The following CSMD1 variants were observed in gnomAD, a reference collection of about 807,000 sequenced individuals.
CSMD1 encodes the protein CUB and sushi domain-containing protein 1.
In CSMD1, 213 loss-of-function variants were observed where a neutral mutation model predicts 417.5. The observed-to-expected ratio is 0.51, with a 90% confidence interval of 0.46 to 0.57. The LOEUF is 0.57. Among genes scored for constraint, CSMD1 ranks in the 20% least tolerant of loss-of-function variants. The pLI is 0.00. For missense variants in CSMD1, 6,923 were observed against 4,529.7 expected, an observed-to-expected ratio of 1.53 and a Z score of -15.17; for synonymous variants, 2,862 against 1,736.8, an observed-to-expected ratio of 1.65 and a Z score of -16.11.
At chr8:4,917,074 T>C (rs1806113015) in intron 1 of CSMD1, among the ~76,000 whole-genome samples, 1 of 152,150 alleles carries the variant, frequency 6.6e-6, no homozygotes, top group Non-Finnish European at 1.5e-5. Context: ...TTCGGTAGAC[T>C]ATCTATAGGA....
chr8:4,048,004 G>C (rs1446835536), intron 3 of CSMD1, among the ~76,000 whole-genome samples: 1 of 152,238 alleles, frequency 6.6e-6, no homozygotes, highest in South Asian at 2.1e-4. Context: ...TTAAGTCTTT[G>C]TATGAGAGAT....
chr8:4,603,717 G>A (rs1346261732), intron 2 of CSMD1, among the ~76,000 whole-genome samples: 10 of 152,108 alleles, frequency 6.6e-5, no homozygotes, highest in African/African-American at 2.4e-4. Flanking sequence ...ATGTTGGCTT[G>A]TATGCTAATG....
At chr8:4,241,472 C>T (rs373615311) in intron 3 of CSMD1, among the ~76,000 whole-genome samples, 2 of 152,180 alleles carry the variant, frequency 1.3e-5, no homozygotes, top group East Asian at 3.9e-4. Context: ...GCAGAAGTCG[C>T]TTCATGCAGT....
At chr8:3,101,698 T>C (rs779718186) in intron 46 of CSMD1, among the ~76,000 whole-genome samples, 11 of 152,116 alleles carry the variant, frequency 7.2e-5, no homozygotes, top group Non-Finnish European at 1.3e-4. Flanking sequence ...GTAATAGGAT[T>C]ATAGGCATGA....
intron 4 of CSMD1, among the ~76,000 whole-genome samples, chr8:4,004,623 C>A (rs911450986): frequency 2.0e-5 from 3 of 152,014 alleles, no homozygotes; most frequent in African/African-American, 7.2e-5. Context: ...TACTATTCTA[C>A]AATATATTTT....
intron 3 of CSMD1, among the ~76,000 whole-genome samples, chr8:4,394,427 A>C (rs1804066671): frequency 6.6e-6 from 1 of 152,166 alleles, no homozygotes; most frequent in African/African-American, 2.4e-5. Flanking sequence ...CGTCCTATTC[A>C]ATATGCGATT....
intron 3 of CSMD1, among the ~76,000 whole-genome samples, chr8:4,104,427 C>G (rs567732618): frequency 6.8e-6 from 1 of 146,128 alleles, no homozygotes; most frequent in African/African-American, 2.6e-5. Flanking sequence ...CACACACATG[C>G]GCACACGCAT....
rs78265331 is a variant in CSMD1 at position 4,468,994 on chromosome 8, A to G, written c.303-48929T>C. ...GTGAGATGGGTATAGTTCTCTTATC[A>G]GAGACTCTAAAAGGAAAAAAAGTTC... On this transcript the variant is annotated intron_variant, in intron 2 of 69. Coordinates refer to ENST00000635120, the MANE Select transcript of CSMD1 (RefSeq NM_033225.6). Among the ~76,000 whole-genome samples the G allele has an allele frequency of 1.5e-3, 230 of 152,222 alleles. 7 individuals carry two copies. In the East Asian group the frequency reaches 0.039, roughly 26 times the overall value.
chr8:3,990,411 C>T (rs895014187), intron 5 of CSMD1, among the ~76,000 whole-genome samples: 2 of 152,110 alleles, frequency 1.3e-5, no homozygotes, highest in African/African-American at 4.8e-5. Flanking sequence ...ACGGGGACTT[C>T]TCTCCCGGGA....
At chr8:3,574,835 A>G in intron 10 of CSMD1, 110 bp downstream of exon 10, 1 of 1,286,152 alleles carries the variant, frequency 7.8e-7, no homozygotes, top group Admixed American at 2.4e-5. Context: ...TTTTAAATTC[A>G]AACAGTAAAG....
At position 4,722,847 on chromosome 8, in the gene CSMD1, C is replaced by T. The variant is rs929665997; in HGVS notation, c.86-85289G>A. Among the ~76,000 whole-genome samples the T allele has an allele frequency of 1.1e-4, 16 of 152,222 alleles. No homozygotes were observed. The East Asian group carries it at 2.9e-3, about 28-fold the overall frequency. On this transcript the variant is annotated intron_variant, in intron 1 of 69. Transcript: ENST00000635120. ...AGTCATAAATACTACTGGAATGACACTGCTTTAGATATCTCAACAAAAAAA... is the reference window on the plus strand; with the variant it reads ...AGTCATAAATACTACTGGAATGACATTGCTTTAGATATCTCAACAAAAAAA...
chr8:4,420,537 T>C (rs950625471), intron 2 of CSMD1, among the ~76,000 whole-genome samples: 26 of 152,164 alleles, frequency 1.7e-4, no homozygotes, highest in Non-Finnish European at 3.4e-4. Context: ...TTTTAATTTT[T>C]TTCTAATAAA....
chr8:4,860,526 G>A lies in CSMD1; in HGVS notation c.85+133806C>T, dbSNP rs141789975. On this transcript the variant is annotated intron_variant, in intron 1 of 69. Coordinates refer to ENST00000635120, the MANE Select transcript of CSMD1 (RefSeq NM_033225.6). ...ATGAGTAAAAGCTCTCTGAGGCCTCGCTGGAACTTGAGCAGATGCTCGTGC... is the reference window on the plus strand; with the variant it reads ...ATGAGTAAAAGCTCTCTGAGGCCTCACTGGAACTTGAGCAGATGCTCGTGC... Among the ~76,000 whole-genome samples the A allele has an allele frequency of 3.7e-3, 557 of 152,030 alleles. 9 individuals carry two copies. Among genetic ancestry groups the A allele is most frequent in the Middle Eastern group, 0.014 (4 of 292 alleles).
At chr8:3,650,810 G>C (rs2469402) in intron 7 of CSMD1, among the ~76,000 whole-genome samples, 136,766 of 152,136 alleles carry the variant, frequency 0.9, 61,549 homozygotes, top group Non-Finnish European at 0.92. Context: ...TTTCTCATGG[G>C]TTCAAACACT....
intron 3 of CSMD1, among the ~76,000 whole-genome samples, chr8:4,115,625 C>T (rs1802093576): frequency 6.6e-6 from 1 of 152,140 alleles, no homozygotes; most frequent in Non-Finnish European, 1.5e-5. Context: ...TCAAACTCCA[C>T]ACTTACCTGA....
intron 26 of CSMD1, among the ~76,000 whole-genome samples, chr8:3,249,733 G>A (rs1014782107): frequency 3.7e-5 from 5 of 136,274 alleles, no homozygotes; most frequent in African/African-American, 1.3e-4. Flanking sequence ...GCTCCAAGAA[G>A]CAAGAGAATG....
chr8:3,645,400 C>T (rs1261001768), intron 7 of CSMD1, among the ~76,000 whole-genome samples: 4 of 152,150 alleles, frequency 2.6e-5, no homozygotes, highest in African/African-American at 9.7e-5. Context: ...AGCTCGGCTT[C>T]GGGTGTCTGG....
intron 8 of CSMD1, among the ~76,000 whole-genome samples, chr8:3,590,212 C>T (rs1422205839): frequency 1.3e-5 from 2 of 152,102 alleles, no homozygotes; most frequent in African/African-American, 4.8e-5. Context: ...GGAAGATAGG[C>T]ACAACCCATT....
chr8:4,562,171 T>C (rs1025996786), intron 2 of CSMD1, among the ~76,000 whole-genome samples: 2 of 152,006 alleles, frequency 1.3e-5, no homozygotes, highest in African/African-American at 4.8e-5. Context: ...CAAGGAAGCA[T>C]GAGCAGTAGG....
Sources: allele counts gnomAD v4.1 joint callset (sites outside exome capture counted in the v4.1 genomes callset), GRCh38; gene constraint gnomAD v4.1.1; transcripts MANE v1.5; gene names NCBI Gene and HGNC (gene_info 2026-07-23, HGNC 2026-07-21).